The following SYT2 variants were observed in gnomAD, a reference collection of about 807,000 sequenced individuals.
SYT2 encodes synaptotagmin 2, also known as synaptotagmin-2.
SYT2 carries 15 observed loss-of-function variants against 39.9 expected under a neutral mutation model. That is an observed-to-expected ratio of 0.38 (90% confidence interval 0.25 to 0.58). The LOEUF (loss-of-function observed/expected upper bound fraction) is 0.58, where lower values mean the gene tolerates loss of function less well. SYT2 is among the 20% of genes least tolerant of loss of function. The probability of loss-of-function intolerance (pLI) is 0.70; values close to 1 mark genes in which losing one functional copy is unlikely to be tolerated. For missense variants in SYT2, 389 were observed against 530.3 expected, an observed-to-expected ratio of 0.73 and a Z score of 2.62; for synonymous variants, 181 against 204.5, an observed-to-expected ratio of 0.89 and a Z score of 0.98.
At chr1:202,684,368 T>A (rs1015142133) in intron 1 of SYT2, among the ~76,000 whole-genome samples, 3 of 151,750 alleles carry the variant, frequency 2.0e-5, no homozygotes, top group Admixed American at 2.0e-4. Context: ...CAATTCCACA[T>A]ATAAGTGAGA....
chr1:202,664,322 A>G (rs1692443754), intron 1 of SYT2, among the ~76,000 whole-genome samples: 1 of 152,124 alleles, frequency 6.6e-6, no homozygotes, highest in Non-Finnish European at 1.5e-5. Flanking sequence ...CATGCACACA[A>G]CAGCAACAAG....
intron 1 of SYT2, among the ~76,000 whole-genome samples, chr1:202,682,284 T>C (rs1653545500): frequency 6.6e-6 from 1 of 152,138 alleles, no homozygotes; most frequent in Admixed American, 6.5e-5. Flanking sequence ...TGTGCATGAC[T>C]TCTGACTGCC....
chr1:202,709,132 C>T (rs1316716680), intron 1 of SYT2, among the ~76,000 whole-genome samples: 1 of 152,192 alleles, frequency 6.6e-6, no homozygotes, highest in Non-Finnish European at 1.5e-5. Flanking sequence ...TCCTTATAAG[C>T]TAACTCAACC....
chr1:202,637,816 G>T (rs753455605), intron 1 of SYT2, among the ~76,000 whole-genome samples: 10 of 152,232 alleles, frequency 6.6e-5, no homozygotes, highest in Non-Finnish European at 1.2e-4. Context: ...TGGTCTCCAA[G>T]GACTGCCGGC....
At chr1:202,650,710 G>A (rs1455017280) in intron 1 of SYT2, among the ~76,000 whole-genome samples, 1 of 152,158 alleles carries the variant, frequency 6.6e-6, no homozygotes, top group Non-Finnish European at 1.5e-5. Context: ...AGTTTGCTGG[G>A]GGAGACAGGC....
intron 1 of SYT2, among the ~76,000 whole-genome samples, chr1:202,673,578 A>G (rs1653231689): frequency 6.6e-6 from 1 of 152,208 alleles, no homozygotes; most frequent in South Asian, 2.1e-4. Flanking sequence ...AGGTCCCAAC[A>G]GCTCCAGTTG....
intron 1 of SYT2, among the ~76,000 whole-genome samples, chr1:202,622,493 C>T (rs536059328): frequency 1.7e-4 from 26 of 152,294 alleles, no homozygotes; most frequent in African/African-American, 6.3e-4. Flanking sequence ...CTTCTAGTGT[C>T]TAACTTCAAT....
intron 1 of SYT2, among the ~76,000 whole-genome samples, chr1:202,671,558 G>A (rs1465324261): frequency 6.6e-6 from 1 of 152,240 alleles, no homozygotes; most frequent in Non-Finnish European, 1.5e-5. Context: ...TTGCCCTGAG[G>A]GCATTTGTCC....
In SYT2 at chr1:202,628,340, C is replaced by G. The variant is rs1260949516; in HGVS notation, c.-17-22551G>C. Among the ~76,000 whole-genome samples, 1 of 152,118 alleles carries G rather than the reference C, an allele frequency of 6.6e-6. No homozygotes were observed. The highest frequency in any genetic ancestry group is 2.4e-5 in the African/African-American group (1 of 41,432). On this transcript the variant is annotated intron_variant, in intron 1 of 8. Transcript: ENST00000367268. This position sits in a 1 kb window ranked among gnomAD's most constrained non-coding sequence, Gnocchi z 4.2. ...GGACCTGGGAGAGGTCATGAGATGT[C>G]TGGGGAGCCCAGCCTGCTCTCAGTG...
intron 1 of SYT2, among the ~76,000 whole-genome samples, chr1:202,689,509 C>G (rs1330692091): frequency 6.6e-6 from 1 of 152,142 alleles, no homozygotes; most frequent in South Asian, 2.1e-4. Flanking sequence ...TGGCAAACAG[C>G]TCTGTGGAGT....
intron 1 of SYT2, among the ~76,000 whole-genome samples, chr1:202,705,990 G>T (rs1316536196): frequency 6.6e-6 from 1 of 152,068 alleles, no homozygotes; most frequent in Non-Finnish European, 1.5e-5. Flanking sequence ...ACTGCACCTG[G>T]CCTGGGGAGT....
In SYT2 at chr1:202,595,120, A is replaced by T. The variant is rs1470381924; in HGVS notation, c.*1637T>A. The T allele has an allele frequency of 6.6e-6, 1 of 152,258 alleles. No homozygotes were observed. The highest frequency in any genetic ancestry group is 1.9e-4 in the East Asian group (1 of 5,200). 9.4% of individuals were successfully genotyped at this position (152,258 alleles called of 1,614,324 possible). ...AAGGGCCTGAGGGCTTCATGGATGG[A>T]AAAGAGAGGTCAAAGGAAGGCAGGC... On this transcript the variant is annotated 3_prime_UTR_variant, in exon 9 of 9. Transcript: ENST00000367268.
intron 1 of SYT2, among the ~76,000 whole-genome samples, chr1:202,660,493 T>C (rs1692356137): frequency 6.6e-6 from 1 of 152,166 alleles, no homozygotes; most frequent in African/African-American, 2.4e-5. Flanking sequence ...GACTTTAACA[T>C]GCATTGAAAA....
intron 2 of SYT2, chr1:202,605,276 A>G (rs1281955063): frequency 2.4e-4 from 50 of 206,050 alleles, no homozygotes; most frequent in Non-Finnish European, 1.3e-4. Flanking sequence ...ATTTCAAAGT[A>G]TTATTGGCAA....
chr1:202,671,515 A>G (rs1692590035), intron 1 of SYT2, among the ~76,000 whole-genome samples: 1 of 152,254 alleles, frequency 6.6e-6, no homozygotes, highest in African/African-American at 2.4e-5. Context: ...CCAAATCTAG[A>G]AGACAACAAA....
chr1:202,622,570 C>G (rs538969810), intron 1 of SYT2, among the ~76,000 whole-genome samples: 12,977 of 152,232 alleles, frequency 0.085, 887 homozygotes, highest in African/African-American at 0.18. Context: ...TTCCAGGCCA[C>G]CTGATGGGCG....
chr1:202,664,264 C>T (rs757076788), intron 1 of SYT2, among the ~76,000 whole-genome samples: 2 of 152,128 alleles, frequency 1.3e-5, no homozygotes, highest in Non-Finnish European at 2.9e-5. Context: ...CTGGTTCATC[C>T]TTAGCTAGCA....
intron 1 of SYT2, among the ~76,000 whole-genome samples, chr1:202,664,795 G>C (rs1692452217): frequency 6.6e-6 from 1 of 152,156 alleles, no homozygotes; most frequent in African/African-American, 2.4e-5. Flanking sequence ...AAGTGGCTGG[G>C]ATTACAGGTG....
At chr1:202,705,524 CCTTT>C (rs1172683217) in intron 1 of SYT2, among the ~76,000 whole-genome samples, 1 of 152,228 alleles carries the variant, frequency 6.6e-6, no homozygotes. Flanking sequence ...AGGTAACCCC[CCTTT>C]CTTTCAGATT....
Sources: allele counts gnomAD v4.1 joint callset (sites outside exome capture counted in the v4.1 genomes callset), GRCh38; gene constraint gnomAD v4.1.1; non-coding constraint Gnocchi (gnomAD v3.1); transcripts MANE v1.5; gene names NCBI Gene and HGNC (gene_info 2026-07-23, HGNC 2026-07-21).